Variants in ADARB2 observed in about 807,000 individuals in gnomAD.
ADARB2 encodes the protein adenosine deaminase RNA specific B2 (inactive).
A neutral mutation model predicts 62.2 loss-of-function variants in ADARB2; 25 were observed. That is an observed-to-expected ratio of 0.40 (90% CI 0.29 to 0.56). The LOEUF (loss-of-function observed/expected upper bound fraction) is 0.56. Ranked by LOEUF, ADARB2 falls within the 20% of genes least tolerant of loss-of-function variation. The pLI is 0.43. For missense variants in ADARB2, 1,071 were observed against 1,077.4 expected (o/e 0.99, Z 0.08); for synonymous variants, 572 against 500.8 (o/e 1.14, Z -1.90).
intron 7 of ADARB2, among the ~76,000 whole-genome samples, chr10:1,209,563 C>T (rs1252909944): frequency 6.9e-5 from 9 of 130,888 alleles, no homozygotes; most frequent in Middle Eastern, 3.6e-3. Flanking sequence ...TCACCCACAC[C>T]CACATCATCA....
intron 1 of ADARB2, among the ~76,000 whole-genome samples, chr10:1,650,432 G>A (rs950272223): frequency 6.6e-6 from 1 of 152,162 alleles, no homozygotes; most frequent in East Asian, 1.9e-4. Context: ...GATACTGAAG[G>A]GGGTGGAGAA....
chr10:1,320,340 T>C (rs1831783831), intron 3 of ADARB2, among the ~76,000 whole-genome samples: 1 of 152,220 alleles, frequency 6.6e-6, no homozygotes, highest in South Asian at 2.1e-4. Context: ...AGGCAGTGAT[T>C]TGTCCAACTA....
intron 1 of ADARB2, among the ~76,000 whole-genome samples, chr10:1,600,481 C>T (rs750884879): frequency 4.6e-5 from 7 of 151,962 alleles, no homozygotes; most frequent in South Asian, 2.1e-4. Flanking sequence ...GTCAACATGG[C>T]GAAAGCCCCG....
intron 1 of ADARB2, among the ~76,000 whole-genome samples, chr10:1,438,290 C>T (rs1830857435): frequency 6.7e-6 from 1 of 149,918 alleles, no homozygotes; most frequent in African/African-American, 2.5e-5. Context: ...GAGGCAGGTC[C>T]TTCATCATGG....
chr10:1,705,261 G>A (rs1487615077), intron 1 of ADARB2, among the ~76,000 whole-genome samples: 3 of 152,170 alleles, frequency 2.0e-5, no homozygotes, highest in African/African-American at 4.8e-5. Flanking sequence ...AGGGTTGCAG[G>A]GGCTGCATTC....
chr10:1,652,152 G>A (rs2119073895), intron 1 of ADARB2, among the ~76,000 whole-genome samples: 1 of 152,282 alleles, frequency 6.6e-6, no homozygotes, highest in East Asian at 1.9e-4. Flanking sequence ...AAAAAGCAAA[G>A]CGGGTCTGTC....
chr10:1,492,725 A>T (rs889723784), intron 1 of ADARB2, among the ~76,000 whole-genome samples: 1 of 151,544 alleles, frequency 6.6e-6, no homozygotes, highest in Non-Finnish European at 1.5e-5. Flanking sequence ...GTGCTGGGGG[A>T]CCCCGGCCTT....
intron 3 of ADARB2, among the ~76,000 whole-genome samples, chr10:1,327,254 C>G (rs1174138434): frequency 1.5e-5 from 1 of 65,438 alleles, no homozygotes; most frequent in Non-Finnish European, 3.4e-5. Context: ...TCCTCACTGC[C>G]CAGCGCCTCC....
chr10:1,437,203 A>G (rs928942226), intron 1 of ADARB2, among the ~76,000 whole-genome samples: 1 of 152,080 alleles, frequency 6.6e-6, no homozygotes, highest in African/African-American at 2.4e-5. Flanking sequence ...TTGTCTTCCA[A>G]AAATAATTTG....
At chr10:1,543,086 T>G (rs1029120868) in intron 1 of ADARB2, among the ~76,000 whole-genome samples, 2 of 152,258 alleles carry the variant, frequency 1.3e-5, no homozygotes, top group African/African-American at 4.8e-5. Flanking sequence ...CCTGGGTTGT[T>G]GGGACGGAAG....
intron 1 of ADARB2, among the ~76,000 whole-genome samples, chr10:1,720,028 C>G (rs1344901168): frequency 1.3e-5 from 2 of 152,166 alleles, no homozygotes; most frequent in East Asian, 1.9e-4. Flanking sequence ...TGGGGGTATA[C>G]CCACCCCCCA....
chr10:1,518,713 C>T (rs983225421), intron 1 of ADARB2, among the ~76,000 whole-genome samples: 21 of 152,094 alleles, frequency 1.4e-4, no homozygotes, highest in African/African-American at 4.6e-4. Context: ...GCATTCATTC[C>T]GTGTAATGTC....
intron 1 of ADARB2, among the ~76,000 whole-genome samples, chr10:1,680,913 C>T (rs1834527400): frequency 6.6e-6 from 1 of 152,166 alleles, no homozygotes; most frequent in Non-Finnish European, 1.5e-5. Context: ...CTCATCAGAT[C>T]CCATAATAAT....
intron 1 of ADARB2, among the ~76,000 whole-genome samples, chr10:1,476,526 T>C (rs1831403448): frequency 6.6e-6 from 1 of 152,198 alleles, no homozygotes; most frequent in Non-Finnish European, 1.5e-5. Flanking sequence ...AGCTGAGGCC[T>C]GAACGCATCT....
intron 1 of ADARB2, among the ~76,000 whole-genome samples, chr10:1,708,573 CAAG>C (rs1279905804): frequency 1.3e-5 from 2 of 152,168 alleles, no homozygotes; most frequent in Admixed American, 6.5e-5. Flanking sequence ...GGAAAAGCTA[CAAG>C]AAGAAGAATG....
intron 1 of ADARB2, among the ~76,000 whole-genome samples, chr10:1,580,503 CT>C (rs11376658): frequency 7.5e-4 from 109 of 144,696 alleles, no homozygotes; most frequent in East Asian, 1.0e-3. Context: ...TGTCTTAAGG[CT>C]TTTTTTTTTT....
At chr10:1,541,428 C>T (rs71500119) in intron 1 of ADARB2, among the ~76,000 whole-genome samples, 1 of 84,542 alleles carries the variant, frequency 1.2e-5, no homozygotes. Flanking sequence ...CACTCAGACG[C>T]AGTTCGGACC....
chr10:1,579,435 G>A (rs758409461), intron 1 of ADARB2, among the ~76,000 whole-genome samples: 21 of 152,266 alleles, frequency 1.4e-4, no homozygotes, highest in South Asian at 8.3e-4. Flanking sequence ...TCAGTTGGTC[G>A]GAATCAAGAG....
At chr10:1,613,954 C>T (rs566793788) in intron 1 of ADARB2, among the ~76,000 whole-genome samples, 3 of 152,034 alleles carry the variant, frequency 2.0e-5, no homozygotes, top group South Asian at 4.2e-4. Context: ...ATTTTTTATA[C>T]CTTGGCAAAA....
Sources: allele counts gnomAD v4.1 joint callset (sites outside exome capture counted in the v4.1 genomes callset), GRCh38; gene constraint gnomAD v4.1.1; transcripts MANE v1.5; gene names NCBI Gene and HGNC (gene_info 2026-07-23, HGNC 2026-07-21).